Variants in TCEANC2 observed in about 807,000 individuals in gnomAD.
The protein encoded by TCEANC2 is transcription elongation factor A N-terminal and central domain containing 2.
Under a neutral mutation model 22.8 loss-of-function variants are expected in TCEANC2, and 20 were observed. The observed-to-expected ratio is 0.88, with a 90% CI of 0.62 to 1.28. The LOEUF is 1.28. TCEANC2 is among the 50% of genes most tolerant of loss of function. The pLI, the probability that TCEANC2 is intolerant of heterozygous loss-of-function variation, is 0.00. For missense variants in TCEANC2, 251 were observed against 249.7 expected, an observed-to-expected ratio of 1.01 and a Z score of -0.03; for synonymous variants, 84 against 95.5, an observed-to-expected ratio of 0.88 and a Z score of 0.70.
At chr1:54,088,905 G>A (rs774506453) in intron 4 of TCEANC2, 115 bp downstream of exon 4, 3 of 578,958 alleles carry the variant, frequency 5.2e-6, no homozygotes, top group Admixed American at 8.3e-5. Flanking sequence ...TTGGTTAAAC[G>A]CCTCATAATT....
At chr1:54,085,217 T>G (rs1487384258) in intron 3 of TCEANC2, among the ~76,000 whole-genome samples, 2 of 152,222 alleles carry the variant, frequency 1.3e-5, no homozygotes, top group South Asian at 4.1e-4. Context: ...TCATAGAACC[T>G]GTAAAGCAGG....
intron 2 of TCEANC2, among the ~76,000 whole-genome samples, chr1:54,067,322 C>G (rs914640747): frequency 3.3e-5 from 5 of 152,080 alleles, no homozygotes; most frequent in African/African-American, 1.2e-4. Flanking sequence ...TAGGGAGAGC[C>G]TGTGGGAGGT....
chr1:54,108,189 G>T (rs979764523), downstream of TCEANC2, among the ~76,000 whole-genome samples: 1 of 152,108 alleles, frequency 6.6e-6, no homozygotes, highest in African/African-American at 2.4e-5. Context: ...TTTCTCCAGC[G>T]GCTGAAGGCT....
rs1658712160 is a variant in TCEANC2, at chr1:54,104,497, C to T, written c.*8024C>T. ...AGGGAAGGGAGGTATATCTTTGGTA[C>T]TCAGTTGATTCACGTGGAGACTTCT... On this transcript the variant is annotated 3_prime_UTR_variant, in exon 5 of 5. Coordinates refer to ENST00000234827, the MANE Select transcript of TCEANC2 (RefSeq NM_153035.3). The T allele has an allele frequency of 2.4e-6, 1 of 419,876 alleles. No individual in the cohort carries two copies. The highest frequency in any genetic ancestry group is 2.0e-5 in the African/African-American group (1 of 48,816). The allele number at this position is 419,876 out of a possible 1,614,324, so 26.0% of individuals were successfully genotyped here.
chr1:54,059,585 C>G (rs1657813009), intron 2 of TCEANC2, among the ~76,000 whole-genome samples: 1 of 152,204 alleles, frequency 6.6e-6, no homozygotes, highest in Non-Finnish European at 1.5e-5. Context: ...GGGAGTTAAT[C>G]CTTCCCTCAT....
At chr1:54,071,551 G>A (rs1444455214) in intron 3 of TCEANC2, among the ~76,000 whole-genome samples, 1 of 152,134 alleles carries the variant, frequency 6.6e-6, no homozygotes, top group Non-Finnish European at 1.5e-5. Context: ...CAACCAAGAT[G>A]GAAGCCACGG....
In TCEANC2 at chr1:54,101,329, G is replaced by T. The variant is rs867263724; in HGVS notation, c.*4856G>T. The T allele has an allele frequency of 3.6e-4, 55 of 152,094 alleles. No individual in the cohort carries two copies. The highest frequency in any genetic ancestry group is 1.1e-3 in the African/African-American group (47 of 41,414). The allele number at this position is 152,094 out of a possible 1,614,324, so 9.4% of individuals were successfully genotyped here. ...TCAGTTAGTTGGGTGACACTACCCT[G>T]GTATCAAAGGAAAGATGGTTTGATT... On this transcript the variant is annotated 3_prime_UTR_variant, in exon 5 of 5. Coordinates refer to ENST00000234827, the MANE Select transcript of TCEANC2 (RefSeq NM_153035.3).
rs1658566821 is a variant in TCEANC2 at position 54,096,835 on chromosome 1, C to T, written c.*362C>T. On this transcript the variant is annotated 3_prime_UTR_variant, in exon 5 of 5. Coordinates refer to ENST00000234827, the MANE Select transcript of TCEANC2 (RefSeq NM_153035.3). The surrounding 1 kb of genome is among the most constrained non-coding windows in gnomAD (Gnocchi z 4.9). Reference sequence around the variant, plus strand: ...AGATGAAGTTACTACTATATTTCACCACCCTGCAGGTAACTGAAACTCAAT... The same window carrying T: ...AGATGAAGTTACTACTATATTTCACTACCCTGCAGGTAACTGAAACTCAAT... 2 of 1,003,440 alleles carry T rather than the reference C, an allele frequency of 2.0e-6. No individual in the cohort carries two copies. Among genetic ancestry groups the T allele is most frequent in the Non-Finnish European group, 2.4e-6 (2 of 841,502 alleles). The allele number at this position is 1,003,440 out of a possible 1,614,324, so 62.2% of individuals were successfully genotyped here. A position where few individuals can be genotyped will look rare whatever the true frequency, so the allele number is the denominator to read the frequency against.
chr1:54,063,046 A>G (rs1487048924), intron 2 of TCEANC2, among the ~76,000 whole-genome samples: 2 of 152,206 alleles, frequency 1.3e-5, no homozygotes, highest in African/African-American at 4.8e-5. Flanking sequence ...AGAGAGAGGA[A>G]AGCAAAATCA....
intron 3 of TCEANC2, among the ~76,000 whole-genome samples, chr1:54,069,267 T>C (rs1658014147): frequency 6.6e-6 from 1 of 152,200 alleles, no homozygotes; most frequent in Non-Finnish European, 1.5e-5. Flanking sequence ...GTGTGTTAGA[T>C]GCTGGGTATG....
intron 2 of TCEANC2, among the ~76,000 whole-genome samples, chr1:54,065,601 C>T (rs1274852441): frequency 6.6e-6 from 1 of 151,876 alleles, no homozygotes; most frequent in Non-Finnish European, 1.5e-5. Context: ...ACCTGTGGTC[C>T]CAGCTACTTG....
rs182913957 is a variant in TCEANC2, at chr1:54,088,810, C to T, written c.438+20C>T. On this transcript the variant is annotated intron_variant, in intron 4 of 4. Coordinates refer to ENST00000234827, the MANE Select transcript of TCEANC2 (RefSeq NM_153035.3). ...TTAAAGGTAATGCCCTAAATATATA[C>T]AACTGTTATGTACCCATAATAATTA... 581 of 1,516,726 alleles carry T rather than the reference C, an allele frequency of 3.8e-4. 3 individuals carry two copies. The African/African-American group carries it at 7.6e-3, about 20-fold the overall frequency. 94.0% of individuals were successfully genotyped at this position (1,516,726 alleles called of 1,614,324 possible). A position where few individuals can be genotyped will look rare whatever the true frequency, so the allele number is the denominator to read the frequency against.
chr1:54,057,568 A>C (rs1170486385), intron 2 of TCEANC2, among the ~76,000 whole-genome samples: 1 of 151,960 alleles, frequency 6.6e-6, no homozygotes, highest in Non-Finnish European at 1.5e-5. Context: ...GTTCAGAATC[A>C]TACTTCTCAT....
At position 54,104,651 on chromosome 1, in the gene TCEANC2, C is replaced by G. The variant is rs1429179486; in HGVS notation, c.*8178C>G. On this transcript the variant is annotated 3_prime_UTR_variant, in exon 5 of 5. Coordinates refer to ENST00000234827, the MANE Select transcript of TCEANC2 (RefSeq NM_153035.3). ...CTGCCTCCTGGGTTCAAGCTATTCT[C>G]CTGCCTCAGCCTCCCGAGTAACTGG... 4.6e-6 allele frequency: 2 copies of G among 430,632 alleles called. No homozygotes were observed. Among genetic ancestry groups the G allele is most frequent in the South Asian group, 3.2e-5 (2 of 61,776 alleles). 26.7% of individuals were successfully genotyped at this position (430,632 alleles called of 1,614,324 possible). A position where few individuals can be genotyped will look rare whatever the true frequency, so the allele number is the denominator to read the frequency against.
At chr1:54,076,766 G>A (rs953871941) in intron 3 of TCEANC2, among the ~76,000 whole-genome samples, 2 of 152,200 alleles carry the variant, frequency 1.3e-5, no homozygotes, top group African/African-American at 4.8e-5. Flanking sequence ...GCCAGGCAGT[G>A]TTCTGGATAC....
chr1:54,070,679 T>C (rs1658039823), intron 3 of TCEANC2, among the ~76,000 whole-genome samples: 1 of 152,252 alleles, frequency 6.6e-6, no homozygotes, highest in African/African-American at 2.4e-5. Context: ...CATCAGTTGC[T>C]ATGCTGAAGA....
At chr1:54,080,667 G>A (rs1658222652) in intron 3 of TCEANC2, among the ~76,000 whole-genome samples, 1 of 152,136 alleles carries the variant, frequency 6.6e-6, no homozygotes, top group African/African-American at 2.4e-5. Context: ...TGGATTTTCC[G>A]GGTCTTGTCT....
At position 54,096,196 on chromosome 1, in the gene TCEANC2, G is replaced by C. The variant is rs1214768528; in HGVS notation, c.439-89G>C. On this transcript the variant is annotated intron_variant, in intron 4 of 4. Coordinates refer to ENST00000234827, the MANE Select transcript of TCEANC2 (RefSeq NM_153035.3). This position sits in a 1 kb window ranked among gnomAD's most constrained non-coding sequence, Gnocchi z 4.9. ...GTCCTTGAATTTCAGTTGATTAATG[G>C]AGGCCTCTGAGCAGAGTGCTCCAGC... 11 of 1,420,052 alleles carry C rather than the reference G, an allele frequency of 7.7e-6. No individual in the cohort carries two copies. In the East Asian group the frequency reaches 1.7e-4, roughly 22 times the overall value. The allele number at this position is 1,420,052 out of a possible 1,614,324, so 88.0% of individuals were successfully genotyped here. A position where few individuals can be genotyped will look rare whatever the true frequency, so the allele number is the denominator to read the frequency against.
chr1:54,068,818 CA>C lies in TCEANC2; in HGVS notation c.168del (p.Glu57ArgfsTer10). The C allele has an allele frequency of 6.2e-7, 1 of 1,611,936 alleles. No individual in the cohort carries two copies. Among genetic ancestry groups the C allele is most frequent in the Non-Finnish European group, 8.5e-7 (1 of 1,179,182 alleles). ...CTATGCTGGAGCTTCCTGATCAAAC[CA>C]AAGAGAATCTTGTTGAAGCCTTACA... ...KTMLELPDQT[K>X]ENLVEALQEL... On this transcript the variant is annotated frameshift_variant, in exon 3 of 5. Transcript: ENST00000234827. LOFTEE classifies it high-confidence loss of function.
Sources: gnomAD v4.1 joint callset for allele counts (sites outside exome capture counted in the v4.1 genomes callset) on GRCh38, gnomAD v4.1.1 for gene constraint, Gnocchi (gnomAD v3.1) non-coding constraint, MANE v1.5 for transcripts, NCBI Gene and HGNC (gene_info 2026-07-23, HGNC 2026-07-21) for gene names.